The following ANO4 variants were observed in gnomAD, a reference collection of about 807,000 sequenced individuals.
ANO4 encodes the protein anoctamin-4.
Under a neutral mutation model 141.9 loss-of-function variants are expected in ANO4, and 69 were observed. The ratio of observed to expected loss-of-function variants is 0.49; its 90% CI spans 0.40 to 0.59. ANO4 has a LOEUF of 0.59. Ranked by LOEUF, ANO4 falls within the 20% of genes least tolerant of loss-of-function variation. The pLI, the probability that ANO4 is intolerant of heterozygous loss-of-function variation, is 0.00. For missense variants in ANO4, 894 were observed against 1,162.2 expected, an observed-to-expected ratio of 0.77 and a Z score of 3.36; for synonymous variants, 350 against 394.3, an observed-to-expected ratio of 0.89 and a Z score of 1.33.
In ANO4 at chr12:100,906,212, G is replaced by A. The variant is rs183001544; in HGVS notation, c.55+4372G>A. Among the ~76,000 whole-genome samples the A allele has an allele frequency of 8.5e-5, 13 of 152,232 alleles. No homozygotes were observed. The East Asian group carries it at 2.5e-3, about 29-fold the overall frequency. On this transcript the variant is annotated intron_variant, in intron 2 of 27. Transcript: ENST00000392977. Reference sequence around the variant, plus strand: ...TTTTGCAAAGGAAGTAGGAAAGAGAGAAAGGGAATCAAAAGTGCATGGAAG... The same window carrying A: ...TTTTGCAAAGGAAGTAGGAAAGAGAAAAAGGGAATCAAAAGTGCATGGAAG...
chr12:100,901,501 A>G (rs914401964), intron 1 of ANO4, 145 bp from the exon 2 acceptor site: 8 of 472,782 alleles, frequency 1.7e-5, no homozygotes. Flanking sequence ...CTTGGTAACT[A>G]AGGATGTCTA....
chr12:100,756,513 C>T (rs1026781835), intron 3 of ANO4, among the ~76,000 whole-genome samples: 1 of 152,042 alleles, frequency 6.6e-6, no homozygotes, highest in African/African-American at 2.4e-5. Flanking sequence ...CCACGTCTGG[C>T]TAATTTTTGT....
chr12:101,047,339 C>T (rs2047673958), intron 13 of ANO4, among the ~76,000 whole-genome samples: 1 of 152,174 alleles, frequency 6.6e-6, no homozygotes, highest in Admixed American at 6.5e-5. Flanking sequence ...TGGTTTGATA[C>T]TGAGTGCCCA....
intron 1 of ANO4, among the ~76,000 whole-genome samples, chr12:100,825,038 C>T (rs2036256915): frequency 6.6e-6 from 1 of 151,928 alleles, no homozygotes; most frequent in Admixed American, 6.6e-5. Context: ...GGTGTGTTTT[C>T]TCCTGTTTAT....
At chr12:100,846,794 T>G (rs2037586296) in intron 1 of ANO4, among the ~76,000 whole-genome samples, 1 of 152,158 alleles carries the variant, frequency 6.6e-6, no homozygotes, top group East Asian at 1.9e-4. Flanking sequence ...TGCCAACCCA[T>G]AATGATTTTC....
chr12:100,814,553 T>C (rs1261605719), intron 1 of ANO4, among the ~76,000 whole-genome samples: 1 of 152,186 alleles, frequency 6.6e-6, no homozygotes, highest in Admixed American at 6.6e-5. Context: ...GATGTTCTTC[T>C]AGTCCTTATA....
chr12:100,774,638 CCCA>C (rs1343202422), intron 3 of ANO4, among the ~76,000 whole-genome samples: 6 of 152,228 alleles, frequency 3.9e-5, no homozygotes, highest in African/African-American at 1.2e-4. Context: ...TTACCCTTCC[CCCA>C]CAACATATGC....
chr12:100,740,079 A>C, exon 3 of ANO4: 1 of 702,640 alleles, frequency 1.4e-6, no homozygotes, highest in Non-Finnish European at 2.6e-6. Context: ...AGTAGCAGCC[A>C]GGAAACCCTG....
rs1010257633 is a variant in ANO4, at chr12:101,053,786, C to T, written c.1312+5385C>T. ...GGTACTGGGACCTTTTTTGAGGGGA[C>T]ACAGTTCAACCCATAGCAGAGTACC... On this transcript the variant is annotated intron_variant, in intron 14 of 27. Transcript: ENST00000392977. Among the ~76,000 whole-genome samples, 10 of 152,204 alleles carry T rather than the reference C, an allele frequency of 6.6e-5. No individual in the cohort carries two copies. The East Asian group carries it at 1.5e-3, about 23-fold the overall frequency.
rs866910606 is a variant in ANO4 at position 101,126,884 on chromosome 12, C to T, written c.2682C>T (p.Leu894=). The change falls in exon 27 of 28, where the codon CTC becomes CTT. Residue 894 remains leucine, a synonymous_variant. Coordinates refer to ENST00000392977, the MANE Select transcript of ANO4 (RefSeq NM_001286615.2). ...TACATTCTCCTCTGTTTTAGCACCT[C>T]GTGTTTTGTATAAAGCACCTCATTT... ...RLAFIIVFEH[L]VFCIKHLISY... The T allele has an allele frequency of 6.8e-6, 11 of 1,613,534 alleles. No homozygotes were observed. The highest frequency in any genetic ancestry group is 1.7e-5 in the Admixed American group (1 of 59,996).
intron 1 of ANO4, among the ~76,000 whole-genome samples, chr12:100,863,909 A>G (rs979231527): frequency 6.6e-6 from 1 of 152,176 alleles, no homozygotes; most frequent in African/African-American, 2.4e-5. Flanking sequence ...TGATGGTAAG[A>G]TCTTTTATTC....
intron 5 of ANO4, among the ~76,000 whole-genome samples, chr12:100,965,838 T>C (rs2043629434): frequency 6.6e-6 from 1 of 152,100 alleles, no homozygotes; most frequent in African/African-American, 2.4e-5. Context: ...CTATATTCTT[T>C]TCCTTTTTAA....
intron 9 of ANO4, among the ~76,000 whole-genome samples, chr12:101,033,005 G>C (rs968653279): frequency 4.6e-5 from 7 of 152,264 alleles, no homozygotes; most frequent in South Asian, 4.1e-4. Context: ...GCTGCTATAA[G>C]ACACATGCAC....
chr12:101,114,165 C>A (rs1311121050), intron 24 of ANO4, among the ~76,000 whole-genome samples: 3 of 152,182 alleles, frequency 2.0e-5, no homozygotes, highest in African/African-American at 7.2e-5. Flanking sequence ...GACCTTCCTG[C>A]TATAACAATG....
At chr12:100,824,966 G>A (rs965396713) in intron 1 of ANO4, among the ~76,000 whole-genome samples, 1 of 151,972 alleles carries the variant, frequency 6.6e-6, no homozygotes, top group African/African-American at 2.4e-5. Flanking sequence ...AGTATTTCAT[G>A]CAAATTGTGC....
Position 100,936,319 on chromosome 12 carries a change from G to A in ANO4, c.161-2996G>A, listed in dbSNP as rs1404677412. Among the ~76,000 whole-genome samples the A allele has an allele frequency of 2.6e-5, 4 of 152,132 alleles. No homozygotes were observed. The East Asian group carries it at 7.7e-4, about 29-fold the overall frequency. On this transcript the variant is annotated intron_variant, in intron 3 of 27. Coordinates refer to ENST00000392977, the MANE Select transcript of ANO4 (RefSeq NM_001286615.2). ...CACTCTGTGGTAGGGGCTGTCCTGT[G>A]CATTGTAGGATGTATAGCGGCATCC...
chr12:100,871,744 C>G (rs754105824), intron 1 of ANO4, among the ~76,000 whole-genome samples: 1 of 152,308 alleles, frequency 6.6e-6, no homozygotes, highest in African/African-American at 2.4e-5. Flanking sequence ...TCACTGCATT[C>G]TCACATGGTG....
intron 8 of ANO4, among the ~76,000 whole-genome samples, chr12:101,016,124 C>T (rs979799009): frequency 2.0e-5 from 3 of 152,040 alleles, no homozygotes; most frequent in Non-Finnish European, 4.4e-5. Context: ...TTTCATAGCC[C>T]CTGTGTTAGG....
At chr12:100,717,306 C>A (rs1249351367), upstream of ANO4, among the ~76,000 whole-genome samples, 1 of 151,792 alleles carries the variant, frequency 6.6e-6, no homozygotes, top group Non-Finnish European at 1.5e-5. Flanking sequence ...TACGCCCTCT[C>A]TCCTGCCGCT....
Sources: allele counts gnomAD v4.1 joint callset (sites outside exome capture counted in the v4.1 genomes callset), GRCh38; gene constraint gnomAD v4.1.1; transcripts MANE v1.5; gene names NCBI Gene and HGNC (gene_info 2026-07-23, HGNC 2026-07-21).